The following DZIP3 variants were observed in gnomAD, a reference collection of about 807,000 sequenced individuals.
DZIP3 encodes the protein E3 ubiquitin-protein ligase DZIP3.
DZIP3 carries 118 observed loss-of-function variants against 162.0 expected under a neutral mutation model. The observed-to-expected ratio is 0.73, with a 90% CI of 0.63 to 0.85. The LOEUF is 0.85. Among genes scored for constraint, DZIP3 ranks in the 40% least tolerant of loss-of-function variants. The pLI, the probability that DZIP3 is intolerant of heterozygous loss-of-function variation, is 0.00. For synonymous variants in DZIP3, 438 were observed against 458.6 expected (o/e 0.96, Z 0.57); for missense variants, 1,331 against 1,407.0 (o/e 0.95, Z 0.86).
At chr3:108,662,431 G>A (rs1039780131) in intron 21 of DZIP3, among the ~76,000 whole-genome samples, 174 bp downstream of exon 21, 1 of 152,188 alleles carries the variant, frequency 6.6e-6, no homozygotes, top group Admixed American at 6.5e-5. Context: ...ACTGGATTGA[G>A]AAATAAGCAG....
intron 19 of DZIP3, among the ~76,000 whole-genome samples, chr3:108,658,802 A>G (rs1437233490): frequency 5.9e-5 from 9 of 152,206 alleles, no homozygotes; most frequent in African/African-American, 2.2e-4. Context: ...AAAATGATAA[A>G]GGGGATATCA....
intron 13 of DZIP3, among the ~76,000 whole-genome samples, chr3:108,643,945 G>A (rs1576406732): frequency 6.6e-6 from 1 of 152,212 alleles, no homozygotes; most frequent in East Asian, 1.9e-4. Context: ...ATTAGTCTTT[G>A]TTATTACTTT....
At chr3:108,639,558 T>G (rs575150532) in intron 12 of DZIP3, among the ~76,000 whole-genome samples, 73 of 152,242 alleles carry the variant, frequency 4.8e-4, no homozygotes, top group African/African-American at 1.6e-3. Flanking sequence ...CTTATAGGAT[T>G]CCCCCATTCT....
chr3:108,610,937 A>G (rs1166862238), intron 3 of DZIP3, among the ~76,000 whole-genome samples: 1 of 152,204 alleles, frequency 6.6e-6, no homozygotes, highest in Non-Finnish European at 1.5e-5. Context: ...TATAATGTAA[A>G]AAGCACATTT....
chr3:108,617,822 C>T (rs1373221434), intron 5 of DZIP3, among the ~76,000 whole-genome samples: 2 of 152,188 alleles, frequency 1.3e-5, no homozygotes, highest in African/African-American at 4.8e-5. Context: ...ACCAGATTGC[C>T]AGTCAGTGAA....
At chr3:108,661,774 CA>C in intron 19 of DZIP3, 102 bp from the exon 20 acceptor site, 1 of 819,482 alleles carries the variant, frequency 1.2e-6, no homozygotes, top group Non-Finnish European at 1.9e-6. Context: ...TGACTTGAGA[CA>C]AAAAACGTGA....
rs780374982 is a variant in DZIP3 at position 108,669,761 on chromosome 3, G to A, written c.2492+12G>A. On this transcript the variant is annotated intron_variant, in intron 22 of 32. Coordinates refer to ENST00000361582, the MANE Select transcript of DZIP3 (RefSeq NM_014648.4). ...CTTTCTATGAAAAGGTACAAACTTA[G>A]CTTTTTCTTTGGGTGCACTCTCTCT... The A allele has an allele frequency of 4.4e-6, 7 of 1,601,044 alleles. No individual in the cohort carries two copies. Among genetic ancestry groups the A allele is most frequent in the Non-Finnish European group, 6.0e-6 (7 of 1,170,144 alleles).
intron 18 of DZIP3, among the ~76,000 whole-genome samples, chr3:108,652,386 T>C (rs1942905035): frequency 6.6e-6 from 1 of 151,882 alleles, no homozygotes. Flanking sequence ...ATTCTTCAGT[T>C]TACATCTTAG....
chr3:108,595,290 C>T (rs1939651484), intron 1 of DZIP3, among the ~76,000 whole-genome samples: 1 of 152,158 alleles, frequency 6.6e-6, no homozygotes, highest in Admixed American at 6.5e-5. Flanking sequence ...TGATTAATAG[C>T]TTATTGCAGC....
chr3:108,631,103 C>T (rs1400908836), intron 8 of DZIP3, among the ~76,000 whole-genome samples: 1 of 90,852 alleles, frequency 1.1e-5, no homozygotes, highest in Non-Finnish European at 2.2e-5. Flanking sequence ...TCCTATCCTA[C>T]TGGTAGTTAT....
In DZIP3 at chr3:108,644,637, C is replaced by A. The variant is rs140281889; in HGVS notation, c.1615C>A (p.Arg539Ser). The change falls in exon 14 of 33, where the codon CGC (arginine) becomes AGC (serine). Residue 539 changes from arginine (R) to serine (S), a missense_variant. Physicochemically the swap from Arg to Ser is moderately radical, Grantham distance 110. This residue lies in a region of DZIP3 where 1,278 missense variants were observed against 1,317.1 expected (regional missense o/e 0.97). Transcript: ENST00000361582. ...GAAAAAAGTTTCAGATATTCTTCTG[C>A]GCCTTGGGATGATGCAAGAGGATAT... Reference protein sequence around the residue: ...IWKKVSDILLRLGMMQEDIDK... With the variant: ...IWKKVSDILLSLGMMQEDIDK... The A allele has an allele frequency of 6.2e-7, 1 of 1,613,990 alleles. No homozygotes were observed.
chr3:108,630,539 A>G (rs76806392), intron 8 of DZIP3, among the ~76,000 whole-genome samples: 1,937 of 152,210 alleles, frequency 0.013, 45 homozygotes, highest in African/African-American at 0.038. Context: ...TCAGTAATCA[A>G]TAGAACATGC....
In DZIP3 at chr3:108,629,144, A is replaced by G. The variant is rs765712689; in HGVS notation, c.664A>G (p.Thr222Ala). 5 of 1,592,938 alleles carry G rather than the reference A, an allele frequency of 3.1e-6. No homozygotes were observed. Among genetic ancestry groups the G allele is most frequent in the Non-Finnish European group, 4.3e-6 (5 of 1,173,508 alleles). Residue 222 changes from threonine to alanine, a missense_variant, in exon 8 of 33, where the codon ACA becomes GCA. Transcript: ENST00000361582. ...TGACCATTGGTTTGACATAGATCCT[A>G]CAGAAGATGAAGATTTACCTACAAC... The part of the protein sequence containing the change: ...KNDHWFDIDP[T>A]EDEDLPTTFK...
Position 108,674,194 on chromosome 3 carries a change from T to G in DZIP3, c.2693+13T>G, listed in dbSNP as rs772958831. The G allele has an allele frequency of 8.1e-6, 13 of 1,601,120 alleles. No homozygotes were observed. The highest frequency in any genetic ancestry group is 6.8e-6 in the Non-Finnish European group (8 of 1,169,232). On this transcript the variant is annotated intron_variant, in intron 24 of 32. Coordinates refer to ENST00000361582, the MANE Select transcript of DZIP3 (RefSeq NM_014648.4). ...ACATGGCAGCAAGGTAACCTTTCCCTCTTCCTTAATGCATCTTAATTTTAG... is the reference window on the plus strand; with the variant it reads ...ACATGGCAGCAAGGTAACCTTTCCCGCTTCCTTAATGCATCTTAATTTTAG...
At chr3:108,681,842 A>G (rs1306929351) in intron 26 of DZIP3, among the ~76,000 whole-genome samples, 1 of 147,856 alleles carries the variant, frequency 6.8e-6, no homozygotes. Flanking sequence ...AGAAAACCAA[A>G]CACTGCATGT....
At chr3:108,590,705 A>C (rs1223947145) in intron 1 of DZIP3, among the ~76,000 whole-genome samples, 1 of 152,246 alleles carries the variant, frequency 6.6e-6, no homozygotes, top group East Asian at 1.9e-4. Flanking sequence ...AGTAACATGC[A>C]GCAGTGGTAA....
chr3:108,644,439 C>A lies in DZIP3; in HGVS notation c.1417C>A (p.Leu473Ile). ...GTTTGACTTATGCCTCCTGTTAGCT[C>A]TTATAAAACATTTAAATGTGTTCCC... Reference protein sequence around the residue: ...KQFDLCLLLALIKHLNVFPAP... With the variant: ...KQFDLCLLLAIIKHLNVFPAP... The change falls in exon 14 of 33, where the codon CTT (leucine) becomes ATT (isoleucine). Residue 473 changes from leucine to isoleucine, a missense_variant. Leu to Ile is a conservative substitution (Grantham distance 5, BLOSUM62 2). Transcript: ENST00000361582. The A allele has an allele frequency of 6.2e-7, 1 of 1,614,032 alleles. No homozygotes were observed. The highest frequency in any genetic ancestry group is 8.5e-7 in the Non-Finnish European group (1 of 1,179,980).
At chr3:108,614,751 C>A (rs1317191077) in intron 4 of DZIP3, among the ~76,000 whole-genome samples, 3 of 152,096 alleles carry the variant, frequency 2.0e-5, no homozygotes. Flanking sequence ...TATGAATATC[C>A]CAGTTGCCTC....
At chr3:108,668,038 A>G (rs1177556560) in intron 21 of DZIP3, among the ~76,000 whole-genome samples, 1 of 152,146 alleles carries the variant, frequency 6.6e-6, no homozygotes, top group Non-Finnish European at 1.5e-5. Flanking sequence ...ATATTCTTTA[A>G]TTGTAAATGT....
Sources: allele counts gnomAD v4.1 joint callset (sites outside exome capture counted in the v4.1 genomes callset), GRCh38; gene constraint gnomAD v4.1.1; regional missense constraint gnomAD v4.1.1; transcripts MANE v1.5; gene names NCBI Gene and HGNC (gene_info 2026-07-23, HGNC 2026-07-21).